Variants in ARHGEF3 observed in about 807,000 individuals in gnomAD.
ARHGEF3 encodes the protein Rho guanine nucleotide exchange factor 3, also known as 59.8 kDA protein.
Under a neutral mutation model 63.2 loss-of-function variants are expected in ARHGEF3, and 28 were observed. That is an observed-to-expected ratio of 0.44 (90% CI 0.33 to 0.61). The LOEUF is 0.61. Among genes scored for constraint, ARHGEF3 ranks in the 20% least tolerant of loss-of-function variants. The probability of loss-of-function intolerance (pLI) is 0.03; values close to 1 mark genes in which losing one functional copy is unlikely to be tolerated. For synonymous variants in ARHGEF3, 266 were observed against 254.2 expected (o/e 1.05, Z -0.44); for missense variants, 533 against 659.3 (o/e 0.81, Z 2.10).
At chr3:56,962,032 G>A (rs916900103) in intron 2 of ARHGEF3, among the ~76,000 whole-genome samples, 1 of 152,122 alleles carries the variant, frequency 6.6e-6, no homozygotes. Context: ...GTGACAGAGG[G>A]AGACCCTGTC....
At chr3:56,839,420 G>C (rs1048985297) in intron 4 of ARHGEF3, among the ~76,000 whole-genome samples, 1 of 152,038 alleles carries the variant, frequency 6.6e-6, no homozygotes, top group African/African-American at 2.4e-5. Context: ...AGAAGACTGT[G>C]TGGTGAAGTC....
intron 6 of ARHGEF3, 80 bp downstream of exon 6, chr3:56,750,976 T>A (rs982673512): frequency 3.0e-6 from 3 of 1,003,226 alleles, no homozygotes; most frequent in Non-Finnish European, 4.1e-6. Flanking sequence ...AAAATAAAAA[T>A]AAAAAAAGTC....
intron 2 of ARHGEF3, among the ~76,000 whole-genome samples, chr3:56,997,025 C>G (rs1475049394): frequency 6.6e-6 from 1 of 151,976 alleles, no homozygotes; most frequent in Non-Finnish European, 1.5e-5. Flanking sequence ...CACCCCTGCT[C>G]TAGCCATTAC....
chr3:56,810,828 C>G lies in ARHGEF3; in HGVS notation c.193-37012G>C, dbSNP rs144742402. Among the ~76,000 whole-genome samples the G allele has an allele frequency of 5.6e-3, 845 of 152,248 alleles. 9 individuals are homozygous for G. Among genetic ancestry groups the G allele is most frequent in the African/African-American group, 0.019 (790 of 41,538 alleles). ...GGGTCCAATGAATTGGAATCTTTGGCAGCAGACCCAGAAATCTGTAAAATA... is the reference window on the plus strand; with the variant it reads ...GGGTCCAATGAATTGGAATCTTTGGGAGCAGACCCAGAAATCTGTAAAATA... On this transcript the variant is annotated intron_variant, in intron 4 of 12. Transcript: ENST00000338458.
chr3:56,742,862 T>C (rs2034130235), intron 7 of ARHGEF3, among the ~76,000 whole-genome samples: 1 of 152,238 alleles, frequency 6.6e-6, no homozygotes, highest in Non-Finnish European at 1.5e-5. Context: ...CATTTTGAAT[T>C]ACACACAATC....
intron 1 of ARHGEF3, among the ~76,000 whole-genome samples, chr3:57,056,101 G>A (rs150413482): frequency 6.6e-6 from 1 of 151,990 alleles, no homozygotes; most frequent in East Asian, 1.9e-4. Flanking sequence ...AAAAATGGGA[G>A]CAGAGGCCGG....
intron 1 of ARHGEF3, among the ~76,000 whole-genome samples, chr3:57,063,593 G>A (rs1705358632): frequency 6.6e-6 from 1 of 152,210 alleles, no homozygotes; most frequent in Non-Finnish European, 1.5e-5. Flanking sequence ...GAGCAACCAG[G>A]AGGTTGGGGT....
intron 4 of ARHGEF3, among the ~76,000 whole-genome samples, chr3:56,815,166 A>G (rs1039741130): frequency 2.0e-5 from 3 of 151,984 alleles, no homozygotes; most frequent in Non-Finnish European, 4.4e-5. Context: ...AAAAAAAAAA[A>G]AAAGAAGACA....
At chr3:57,008,105 C>T (rs1181900771) in intron 2 of ARHGEF3, among the ~76,000 whole-genome samples, 2 of 152,092 alleles carry the variant, frequency 1.3e-5, no homozygotes, top group East Asian at 1.9e-4. Flanking sequence ...ATATATTAAC[C>T]GTGTAGATCC....
chr3:56,859,304 A>AT (rs1362322734), intron 4 of ARHGEF3, among the ~76,000 whole-genome samples: 1 of 151,090 alleles, frequency 6.6e-6, no homozygotes, highest in Non-Finnish European at 1.5e-5. Flanking sequence ...GGCTCGGCTA[A>AT]TTTTTTGTAT....
intron 1 of ARHGEF3, among the ~76,000 whole-genome samples, chr3:56,791,330 T>C (rs1237933010): frequency 2.0e-5 from 3 of 152,020 alleles, no homozygotes; most frequent in Admixed American, 6.6e-5. Flanking sequence ...CTGTAGCTAC[T>C]CTGGAGGCTG....
intron 4 of ARHGEF3, among the ~76,000 whole-genome samples, chr3:56,836,524 C>T (rs1052250304): frequency 6.6e-6 from 1 of 152,164 alleles, no homozygotes; most frequent in African/African-American, 2.4e-5. Flanking sequence ...GATGCCAAAG[C>T]GTTTTCAACC....
intron 2 of ARHGEF3, among the ~76,000 whole-genome samples, chr3:56,985,126 C>T (rs1387066998): frequency 1.3e-5 from 2 of 152,242 alleles, no homozygotes; most frequent in East Asian, 1.9e-4. Flanking sequence ...CTCACTCTGT[C>T]GCCCAGGCGG....
chr3:56,828,601 TCTCC>T (rs2038818284), intron 4 of ARHGEF3, among the ~76,000 whole-genome samples: 1 of 152,108 alleles, frequency 6.6e-6, no homozygotes, highest in Non-Finnish European at 1.5e-5. Context: ...TCAACCTGTC[TCTCC>T]CTCATTTAAA....
At chr3:56,805,272 T>C (rs1374919070), upstream of ARHGEF3, among the ~76,000 whole-genome samples, 1 of 152,214 alleles carries the variant, frequency 6.6e-6, no homozygotes, top group African/African-American at 2.4e-5. Flanking sequence ...TCTCACTTTG[T>C]TGCCCAGGCT....
At chr3:56,968,243 T>A (rs1560094382) in intron 2 of ARHGEF3, among the ~76,000 whole-genome samples, 2 of 40,526 alleles carry the variant, frequency 4.9e-5, no homozygotes, top group Non-Finnish European at 9.1e-5. Context: ...TAAATATATA[T>A]ATTAATATAT....
chr3:56,842,410 A>C (rs1035457228), intron 4 of ARHGEF3, among the ~76,000 whole-genome samples: 2 of 152,202 alleles, frequency 1.3e-5, no homozygotes, highest in Admixed American at 1.3e-4. Context: ...CTCTAATGCC[A>C]TTTCTTCTAA....
At chr3:56,999,362 T>A (rs1313472246) in intron 2 of ARHGEF3, among the ~76,000 whole-genome samples, 1 of 152,206 alleles carries the variant, frequency 6.6e-6, no homozygotes, top group Non-Finnish European at 1.5e-5. Context: ...AGCTATTTTT[T>A]AATCATACAC....
At chr3:57,040,992 C>T (rs1371735794) in intron 1 of ARHGEF3, among the ~76,000 whole-genome samples, 2 of 152,150 alleles carry the variant, frequency 1.3e-5, no homozygotes, top group Non-Finnish European at 2.9e-5. Context: ...CTCCCCACTC[C>T]CCACCAACTT....
Sources: gnomAD v4.1 joint callset for allele counts (sites outside exome capture counted in the v4.1 genomes callset) on GRCh38, gnomAD v4.1.1 for gene constraint, MANE v1.5 for transcripts, NCBI Gene and HGNC (gene_info 2026-07-23, HGNC 2026-07-21) for gene names.